Variants in ZNF26 observed in about 807,000 individuals in gnomAD.
ZNF26 encodes the protein zinc finger protein 26.
In ZNF26, 32 loss-of-function variants were observed where a neutral mutation model predicts 54.9. The ratio of observed to expected loss-of-function variants is 0.58; its 90% CI spans 0.44 to 0.78. The LOEUF is 0.78. Ranked by LOEUF, ZNF26 falls within the 30% of genes least tolerant of loss-of-function variation. ZNF26 has a pLI of 0.00. For missense variants in ZNF26, 524 were observed against 634.0 expected, an observed-to-expected ratio of 0.83 and a Z score of 1.86; for synonymous variants, 221 against 209.2, an observed-to-expected ratio of 1.06 and a Z score of -0.49.
rs1261181471 is a variant in ZNF26, at chr12:133,026,620, AG to A, written c.*15141del. On this transcript the variant is annotated 3_prime_UTR_variant, in exon 4 of 4. Transcript: ENST00000328654. The stretch of plus-strand genomic sequence containing the variant: ...CAGCTCATGGCAACCTCCGCCTCCA[AG>A]GTTCAAGTGATTATCATGCCTCAGC... 6.8e-6 allele frequency: 1 copy of A among 148,004 alleles called. No homozygotes were observed. Among genetic ancestry groups the A allele is most frequent in the Non-Finnish European group, 1.5e-5 (1 of 67,544 alleles). 9.2% of individuals were successfully genotyped at this position (148,004 alleles called of 1,614,324 possible).
At chr12:132,999,220 C>T (rs976160439) in intron 1 of ZNF26, among the ~76,000 whole-genome samples, 1 of 152,154 alleles carries the variant, frequency 6.6e-6, no homozygotes, top group Non-Finnish European at 1.5e-5. Context: ...TCCACCAGTT[C>T]TCATTTTATC....
rs1029826050 is a variant in ZNF26, at chr12:133,023,590, A to G, written c.*12109A>G. 6.6e-6 allele frequency: 1 copy of G among 152,350 alleles called. No homozygotes were observed. The highest frequency in any genetic ancestry group is 2.1e-4 in the South Asian group (1 of 4,832). 9.4% of individuals were successfully genotyped at this position (152,350 alleles called of 1,614,324 possible). ...TGAGGTTGAACCATAGGAAATTACAATAATCAACCATGTTTTACATATGTG... is the reference window on the plus strand; with the variant it reads ...TGAGGTTGAACCATAGGAAATTACAGTAATCAACCATGTTTTACATATGTG... On this transcript the variant is annotated 3_prime_UTR_variant, in exon 4 of 4. Transcript: ENST00000328654.
At chr12:133,009,135 G>A (rs1007583986) in intron 3 of ZNF26, among the ~76,000 whole-genome samples, 3 of 152,130 alleles carry the variant, frequency 2.0e-5, no homozygotes, top group Non-Finnish European at 4.4e-5. Flanking sequence ...CATGAGACTT[G>A]GGTGGGGACA....
At chr12:133,006,360 C>T (rs898360652) in intron 1 of ZNF26, 2 of 888,786 alleles carry the variant, frequency 2.3e-6, no homozygotes, top group South Asian at 1.0e-4. Context: ...TTCTTGAACA[C>T]ATCATGAATC....
intron 1 of ZNF26, among the ~76,000 whole-genome samples, chr12:133,000,191 A>G (rs1953179565): frequency 6.6e-6 from 1 of 151,672 alleles, no homozygotes; most frequent in Non-Finnish European, 1.5e-5. Flanking sequence ...TTTTCTTTTG[A>G]TCATGCTAGG....
rs1953507524 is a variant in ZNF26 at position 133,012,624 on chromosome 12, C to G, written c.*1143C>G. ...TTTTTTTTTTTGAGACTAAGTTTCA[C>G]TCTTGTCCTCCAGGCTGGAATGCAA... On this transcript the variant is annotated 3_prime_UTR_variant, in exon 4 of 4. Coordinates refer to ENST00000328654, the MANE Select transcript of ZNF26 (RefSeq NM_019591.4). 1.2e-5 allele frequency: 1 copy of G among 82,098 alleles called. No homozygotes were observed. The highest frequency in any genetic ancestry group is 4.0e-4 in the East Asian group (1 of 2,498). The allele number at this position is 82,098 out of a possible 1,614,324, so 5.1% of individuals were successfully genotyped here.
intron 1 of ZNF26, among the ~76,000 whole-genome samples, chr12:132,996,109 C>T (rs1051208675): frequency 1.3e-4 from 20 of 152,258 alleles, no homozygotes; most frequent in Middle Eastern, 3.4e-3. Flanking sequence ...ATTGCAGGCT[C>T]CTCTCTACTG....
At chr12:132,995,802 C>G (rs1459738850) in intron 1 of ZNF26, among the ~76,000 whole-genome samples, 2 of 152,108 alleles carry the variant, frequency 1.3e-5, no homozygotes, top group African/African-American at 4.8e-5. Context: ...CAGTTGCCCA[C>G]CACCATGCCT....
Position 133,011,487 on chromosome 12 carries a change from C to A in ZNF26, c.*6C>A. The A allele has an allele frequency of 1.3e-6, 2 of 1,528,444 alleles. No homozygotes were observed. Among genetic ancestry groups the A allele is most frequent in the South Asian group, 2.7e-5 (2 of 75,116 alleles). 94.7% of individuals were successfully genotyped at this position (1,528,444 alleles called of 1,614,324 possible). On this transcript the variant is annotated 3_prime_UTR_variant, in exon 4 of 4. Transcript: ENST00000328654. ...ATCGGAAGACTCATAAATGAGAAAT[C>A]AGAATGATGCAATGTGAGAAACTGA... is the stretch of plus-strand genomic sequence containing the variant.
rs7135200 is a variant in ZNF26 at position 133,024,697 on chromosome 12, G to A, written c.*13216G>A. The A allele has an allele frequency of 0.92, 140,067 of 152,260 alleles. 64,764 individuals are homozygous for A. The highest frequency in any genetic ancestry group is 1 in the East Asian group (5,168 of 5,176). 9.4% of individuals were successfully genotyped at this position (152,260 alleles called of 1,614,324 possible). A position where few individuals can be genotyped will look rare whatever the true frequency, so the allele number is the denominator to read the frequency against. ...ACCCCCTTCAATGAATAAACAAAAA[G>A]GACTTCTAAGGACTTGAGAGAATGC... On this transcript the variant is annotated 3_prime_UTR_variant, in exon 4 of 4. Transcript: ENST00000328654.
In ZNF26 at chr12:132,986,413, T is replaced by A. The variant is rs2137198989; in HGVS notation, c.-428T>A. 1 of 183,612 alleles carries A rather than the reference T, an allele frequency of 5.4e-6. No individual in the cohort carries two copies. Among genetic ancestry groups the A allele is most frequent in the East Asian group, 1.4e-4 (1 of 7,318 alleles). The allele number at this position is 183,612 out of a possible 1,614,324, so 11.4% of individuals were successfully genotyped here. On this transcript the variant is annotated 5_prime_UTR_variant, in exon 1 of 4. Coordinates refer to ENST00000328654, the MANE Select transcript of ZNF26 (RefSeq NM_019591.4). ...CGCGCGTGCAGGGCTGTTTCCGGCT[T>A]AGACTCAGTGGACCGGAATCTGGCC...
In ZNF26 at chr12:133,024,091, T is replaced by C. The variant is rs1254613587; in HGVS notation, c.*12610T>C. The C allele has an allele frequency of 9.8e-5, 15 of 152,312 alleles. No homozygotes were observed. The highest frequency in any genetic ancestry group is 7.2e-4 in the Admixed American group (11 of 15,294). The allele number at this position is 152,312 out of a possible 1,614,324, so 9.4% of individuals were successfully genotyped here. On this transcript the variant is annotated 3_prime_UTR_variant, in exon 4 of 4. Transcript: ENST00000328654. ...GTCTTTGTTGCTATTTGTGCTATAA[T>C]GTTTTGAGGTGATACGTTAGACTAC...
intron 1 of ZNF26, among the ~76,000 whole-genome samples, chr12:132,989,771 T>C (rs1404386920): frequency 6.6e-6 from 1 of 152,218 alleles, no homozygotes; most frequent in Non-Finnish European, 1.5e-5. Context: ...TTGCCTCAGA[T>C]AGGACTTCCA....
Position 133,010,149 on chromosome 12 carries a change from A to G in ZNF26, c.270A>G (p.Glu90=). 1.3e-6 allele frequency: 2 copies of G among 1,582,112 alleles called. No individual in the cohort carries two copies. The highest frequency in any genetic ancestry group is 1.7e-6 in the Non-Finnish European group (2 of 1,170,520). ...SRQSCPDGWE[E]WYQNNQDELE... ...GTTTTTTTGTAGATGGCTGGGAAGAATGGTACCAGAACAATCAAGATGAGC... is the reference window on the plus strand; with the variant it reads ...GTTTTTTTGTAGATGGCTGGGAAGAGTGGTACCAGAACAATCAAGATGAGC... The change falls in exon 4 of 4, where the codon GAA becomes GAG. Residue 90 remains glutamate (E), a synonymous_variant. Coordinates refer to ENST00000328654, the MANE Select transcript of ZNF26 (RefSeq NM_019591.4).
chr12:132,992,436 T>C (rs1952984315), intron 1 of ZNF26, among the ~76,000 whole-genome samples: 1 of 152,206 alleles, frequency 6.6e-6, no homozygotes, highest in African/African-American at 2.4e-5. Flanking sequence ...AAAAATGATA[T>C]GCCTACGTGC....
intron 1 of ZNF26, among the ~76,000 whole-genome samples, chr12:132,992,239 T>C (rs1952980442): frequency 6.6e-6 from 1 of 152,196 alleles, no homozygotes; most frequent in Admixed American, 6.5e-5. Flanking sequence ...TAAATTATCT[T>C]AGTTTTTGTT....
chr12:133,001,006 C>T lies in ZNF26; in HGVS notation c.34-6036C>T, dbSNP rs1953208146. ...CATCCTGTGTCCCCAGAAGCAGCCA[C>T]TTTGGGCTCCGTTTCGTCTTCTGCT... On this transcript the variant is annotated intron_variant, in intron 1 of 3. Transcript: ENST00000328654. This position sits in a 1 kb window ranked among gnomAD's most constrained non-coding sequence, Gnocchi z 4.7. Among the ~76,000 whole-genome samples, 1 of 152,184 alleles carries T rather than the reference C, an allele frequency of 6.6e-6. No individual in the cohort carries two copies. Among genetic ancestry groups the T allele is most frequent in the African/African-American group, 2.4e-5 (1 of 41,444 alleles).
In ZNF26 at chr12:133,025,418, G is replaced by A. The variant is rs2137289977; in HGVS notation, c.*13937G>A. On this transcript the variant is annotated 3_prime_UTR_variant, in exon 4 of 4. Coordinates refer to ENST00000328654, the MANE Select transcript of ZNF26 (RefSeq NM_019591.4). ...CTTCAATCTGATATTATAACGGGAT[G>A]AGACATTGGGATCTTGGGGGAGGAG... is the stretch of plus-strand genomic sequence containing the variant. The A allele has an allele frequency of 1.3e-5, 2 of 152,312 alleles. No individual in the cohort carries two copies. Among genetic ancestry groups the A allele is most frequent in the Admixed American group, 6.5e-5 (1 of 15,292 alleles). 9.4% of individuals were successfully genotyped at this position (152,312 alleles called of 1,614,324 possible).
rs917616350 is a variant in ZNF26 at position 133,022,276 on chromosome 12, C to T, written c.*10795C>T. On this transcript the variant is annotated 3_prime_UTR_variant, in exon 4 of 4. Coordinates refer to ENST00000328654, the MANE Select transcript of ZNF26 (RefSeq NM_019591.4). ...TGAATTTTGCAAAATTATTGGATGT[C>T]AGTATATTCAAATCAATTTTATTTC... The T allele has an allele frequency of 5.8e-4, 88 of 152,094 alleles. No homozygotes were observed. Among genetic ancestry groups the T allele is most frequent in the African/African-American group, 2.0e-3 (81 of 41,474 alleles). The allele number at this position is 152,094 out of a possible 1,614,324, so 9.4% of individuals were successfully genotyped here. A position where few individuals can be genotyped will look rare whatever the true frequency, so the allele number is the denominator to read the frequency against.
Sources: allele counts gnomAD v4.1 joint callset (sites outside exome capture counted in the v4.1 genomes callset), GRCh38; gene constraint gnomAD v4.1.1; non-coding constraint Gnocchi (gnomAD v3.1); transcripts MANE v1.5; gene names NCBI Gene and HGNC (gene_info 2026-07-23, HGNC 2026-07-21).